Variants in BAIAP2 observed in about 807,000 individuals in gnomAD.
The protein encoded by BAIAP2 is BAR/IMD domain containing adaptor protein 2, also known as BAR/IMD domain-containing adapter protein 2.
BAIAP2 carries 18 observed loss-of-function variants against 63.0 expected under a neutral mutation model. The ratio of observed to expected loss-of-function variants is 0.29; its 90% CI spans 0.20 to 0.42. The LOEUF (loss-of-function observed/expected upper bound fraction) is 0.42, where lower values mean the gene tolerates loss of function less well. Ranked by LOEUF, BAIAP2 falls within the 10% of genes least tolerant of loss-of-function variation. The probability of loss-of-function intolerance (pLI) is 1.00; values close to 1 mark genes in which losing one functional copy is unlikely to be tolerated. For missense variants in BAIAP2, 610 were observed against 734.3 expected, an observed-to-expected ratio of 0.83 and a Z score of 1.96; for synonymous variants, 386 against 307.6, an observed-to-expected ratio of 1.25 and a Z score of -2.67.
intron 3 of BAIAP2, among the ~76,000 whole-genome samples, chr17:81,062,986 A>G (rs1012921240): frequency 4.3e-5 from 6 of 140,768 alleles, no homozygotes; most frequent in Non-Finnish European, 9.0e-5. Flanking sequence ...TCCTGCCGAT[A>G]TCTTTCCTGT....
intron 13 of BAIAP2, 28 bp from the exon 14 acceptor site, chr17:81,115,742 A>G (rs1568207851): frequency 6.2e-7 from 1 of 1,613,372 alleles, no homozygotes; most frequent in South Asian, 1.1e-5. Context: ...TCCGCCCTAA[A>G]AATTAAAACC....
rs547752175 is a variant in BAIAP2, at chr17:81,068,697, A to G, written c.217+10730A>G. Among the ~76,000 whole-genome samples the G allele has an allele frequency of 3.3e-5, 5 of 152,270 alleles. No individual in the cohort carries two copies. In the South Asian group the frequency reaches 1.0e-3, roughly 32 times the overall value. ...AGGGTGCCCCCAAGCCTGGTACTGCAGAGAAGGCCACCTCGGTGGCTCCTT... is the reference window on the plus strand; with the variant it reads ...AGGGTGCCCCCAAGCCTGGTACTGCGGAGAAGGCCACCTCGGTGGCTCCTT... On this transcript the variant is annotated intron_variant, in intron 3 of 13. Coordinates refer to ENST00000428708, the MANE Select transcript of BAIAP2 (RefSeq NM_001144888.2).
chr17:81,109,587 G>A (rs918795642), intron 13 of BAIAP2: 11 of 985,342 alleles, frequency 1.1e-5, no homozygotes, highest in Middle Eastern at 1.0e-3. Flanking sequence ...AAGGGGGCTC[G>A]TGCCAAGCTC....
chr17:81,039,713 G>T (rs1197310931), intron 1 of BAIAP2, among the ~76,000 whole-genome samples: 1 of 152,048 alleles, frequency 6.6e-6, no homozygotes, highest in Admixed American at 6.6e-5. Context: ...TCCTGTTGCT[G>T]CCTTGTCTTC....
chr17:81,035,196 G>T lies in BAIAP2; in HGVS notation c.-59G>T. ...TCTCCGTCCTGCTGCCGTTACCGCC[G>T]CTGCTGCCGCCGCTTGCGTCCCCCG... On this transcript the variant is annotated 5_prime_UTR_variant, in exon 1 of 14. Coordinates refer to ENST00000428708, the MANE Select transcript of BAIAP2 (RefSeq NM_001144888.2). 7.2e-7 allele frequency: 1 copy of T among 1,384,272 alleles called. No homozygotes were observed. The highest frequency in any genetic ancestry group is 9.6e-7 in the Non-Finnish European group (1 of 1,038,888). The allele number at this position is 1,384,272 out of a possible 1,614,324, so 85.7% of individuals were successfully genotyped here.
Position 81,090,485 on chromosome 17 carries a change from A to G in BAIAP2, c.489+3905A>G, listed in dbSNP as rs186709872. On this transcript the variant is annotated intron_variant, in intron 6 of 13. Coordinates refer to ENST00000428708, the MANE Select transcript of BAIAP2 (RefSeq NM_001144888.2). ...TCACCGAGTTTCTTCAGGAAGGGCT[A>G]GGTCTCATTTCTCCTGCGTCCCACT... 3.5e-3 allele frequency among the ~76,000 whole-genome samples: 528 copies of G among 152,320 alleles called. 9 individuals carry two copies. The South Asian group carries it at 0.04, about 11-fold the overall frequency.
intron 7 of BAIAP2, among the ~76,000 whole-genome samples, chr17:81,100,858 G>A (rs2058388257): frequency 6.6e-6 from 1 of 152,136 alleles, no homozygotes; most frequent in African/African-American, 2.4e-5. Context: ...TGGCTCCCAG[G>A]CTCTTGGTGA....
Position 81,035,253 on chromosome 17 carries a change from C to A in BAIAP2, c.-2C>A. 6.6e-7 allele frequency: 1 copy of A among 1,522,042 alleles called. No homozygotes were observed. The highest frequency in any genetic ancestry group is 8.8e-7 in the Non-Finnish European group (1 of 1,131,450). 94.3% of individuals were successfully genotyped at this position (1,522,042 alleles called of 1,614,324 possible). A position where few individuals can be genotyped will look rare whatever the true frequency, so the allele number is the denominator to read the frequency against. On this transcript the variant is annotated 5_prime_UTR_variant, in exon 1 of 14. Coordinates refer to ENST00000428708, the MANE Select transcript of BAIAP2 (RefSeq NM_001144888.2). ...TCTGTGGTGCAGCCGGGACCCAGGA[C>A]CATGTCTCTGTCTCGCTCAGAGGAG... is the stretch of plus-strand genomic sequence containing the variant.
intron 1 of BAIAP2, 174 bp from the exon 2 acceptor site, chr17:81,053,494 A>G: frequency 1.5e-6 from 1 of 669,224 alleles, no homozygotes; most frequent in Non-Finnish European, 2.6e-6. Context: ...TTTCCCAAGG[A>G]CATTGATCAG....
Position 81,040,982 on chromosome 17 carries a change from G to C in BAIAP2, c.54+5674G>C, listed in dbSNP as rs149741917. Among the ~76,000 whole-genome samples the C allele has an allele frequency of 7.0e-3, 1,071 of 152,352 alleles. 7 individuals carry two copies. Among genetic ancestry groups the C allele is most frequent in the Non-Finnish European group, 0.01 (700 of 68,028 alleles). The stretch of plus-strand genomic sequence containing the variant: ...TGCTGTGCTGAGGAGTCCCCTCTAG[G>C]GGGCAGGAGGCTGGGGATCTGCCTC... On this transcript the variant is annotated intron_variant, in intron 1 of 13. Transcript: ENST00000428708.
chr17:81,099,254 A>T (rs56837800), intron 6 of BAIAP2, among the ~76,000 whole-genome samples: 32,339 of 151,122 alleles, frequency 0.21, 3,988 homozygotes, highest in East Asian at 0.49. Flanking sequence ...CCCTTGGTGC[A>T]CGCTTATCCG....
At chr17:81,098,332 T>G (rs1424550026) in intron 6 of BAIAP2, 6 of 544,462 alleles carry the variant, frequency 1.1e-5, no homozygotes, top group Non-Finnish European at 1.4e-5. Context: ...ACTCCCCCTC[T>G]CCAGTTTCCT....
intron 3 of BAIAP2, among the ~76,000 whole-genome samples, chr17:81,070,386 G>A (rs776162453): frequency 6.6e-6 from 1 of 152,230 alleles, no homozygotes; most frequent in Non-Finnish European, 1.5e-5. Flanking sequence ...TATTGAATGT[G>A]CTCTGCCGGG....
chr17:81,100,705 T>A (rs2058368547), intron 7 of BAIAP2, among the ~76,000 whole-genome samples: 4 of 152,110 alleles, frequency 2.6e-5, no homozygotes, highest in Non-Finnish European at 5.9e-5. Context: ...CTGCCACCCC[T>A]CACCCAACCC....
intron 7 of BAIAP2, among the ~76,000 whole-genome samples, chr17:81,102,579 C>T (rs116968827): frequency 0.047 from 7,153 of 152,302 alleles, 365 homozygotes; most frequent in Admixed American, 0.15. Flanking sequence ...GAAGCCAGCC[C>T]TCGGGCTGTG....
Position 81,116,508 on chromosome 17 carries a change from GC to G in BAIAP2, c.*671del. Reference sequence around the variant, plus strand: ...CCAACCTCCCATCCAGAACCTTGCTGCCAGGGCCTCCCAGCTCGCTCCTGCG... The same window carrying G: ...CCAACCTCCCATCCAGAACCTTGCTGCAGGGCCTCCCAGCTCGCTCCTGCG... On this transcript the variant is annotated 3_prime_UTR_variant, in exon 14 of 14. Transcript: ENST00000428708. The G allele has an allele frequency of 1.5e-6, 1 of 678,882 alleles. No homozygotes were observed. Among genetic ancestry groups the G allele is most frequent in the Non-Finnish European group, 2.4e-6 (1 of 413,896 alleles). 42.1% of individuals were successfully genotyped at this position (678,882 alleles called of 1,614,324 possible).
intron 13 of BAIAP2, chr17:81,109,861 GGGCTACCT>G: frequency 1.0e-6 from 1 of 985,348 alleles, no homozygotes; most frequent in Non-Finnish European, 1.2e-6. Flanking sequence ...ATGCTGCCCC[GGGCTACCT>G]GGCTGCTCTG....
At chr17:81,099,805 T>G (rs968704081) in intron 6 of BAIAP2, 123 bp from the exon 7 acceptor site, 8 of 1,163,902 alleles carry the variant, frequency 6.9e-6, no homozygotes, top group Non-Finnish European at 9.6e-6. Context: ...GATGCTGTTT[T>G]GTTTCCAGCT....
intron 3 of BAIAP2, among the ~76,000 whole-genome samples, chr17:81,076,696 A>T (rs1039390931): frequency 1.3e-5 from 2 of 152,216 alleles, no homozygotes; most frequent in African/African-American, 4.8e-5. Flanking sequence ...ATTCAACCAC[A>T]AAGGACAGGC....
Sources: gnomAD v4.1 joint callset for allele counts (sites outside exome capture counted in the v4.1 genomes callset) on GRCh38, gnomAD v4.1.1 for gene constraint, MANE v1.5 for transcripts, NCBI Gene and HGNC (gene_info 2026-07-23, HGNC 2026-07-21) for gene names.